Variants in ECHDC2 observed in about 807,000 individuals in gnomAD.
The protein encoded by ECHDC2 is enoyl-CoA hydratase domain containing 2.
Under a neutral mutation model 40.6 loss-of-function variants are expected in ECHDC2, and 34 were observed. The observed-to-expected ratio is 0.84, with a 90% CI of 0.64 to 1.11. The LOEUF (loss-of-function observed/expected upper bound fraction) is 1.11, where lower values mean the gene tolerates loss of function less well. ECHDC2 is among the 50% of genes most tolerant of loss of function. The probability of loss-of-function intolerance (pLI) is 0.00; values close to 1 mark genes in which losing one functional copy is unlikely to be tolerated. For synonymous variants in ECHDC2, 162 were observed against 166.6 expected (o/e 0.97, Z 0.21); for missense variants, 392 against 400.7 (o/e 0.98, Z 0.19).
chr1:52,915,655 A>C (rs1168387764), intron 1 of ECHDC2, among the ~76,000 whole-genome samples: 2 of 152,162 alleles, frequency 1.3e-5, no homozygotes, highest in Non-Finnish European at 2.9e-5. Flanking sequence ...CCTGACCCCC[A>C]CAAACTTCAG....
chr1:52,911,967 G>A, intron 1 of ECHDC2, 177 bp from the exon 2 acceptor site: 1 of 1,435,492 alleles, frequency 7.0e-7, no homozygotes, highest in Non-Finnish European at 9.1e-7. Context: ...CCATAAAATG[G>A]AGAGAAAAAC....
At chr1:52,905,164 G>T in intron 5 of ECHDC2, 74 bp from the exon 6 acceptor site, 1 of 1,530,860 alleles carries the variant, frequency 6.5e-7, no homozygotes, top group Non-Finnish European at 9.0e-7. Context: ...GGCCACAGCT[G>T]CCTCTGCTGT....
chr1:52,917,656 A>G (rs149542000), intron 1 of ECHDC2: 3 of 456,014 alleles, frequency 6.6e-6, no homozygotes, highest in African/African-American at 2.0e-5. Context: ...AGTCATGCAC[A>G]GCATGATGAT....
At chr1:52,904,599 T>TC in intron 7 of ECHDC2, 47 bp downstream of exon 7, 1 of 1,491,410 alleles carries the variant, frequency 6.7e-7, no homozygotes, top group Non-Finnish European at 9.0e-7. Context: ...CACACATGCC[T>TC]CCCCCATGAC....
At chr1:52,912,026 G>A in intron 1 of ECHDC2, 1 of 1,413,960 alleles carries the variant, frequency 7.1e-7, no homozygotes, top group Non-Finnish European at 9.2e-7. Flanking sequence ...TGTAAACTGT[G>A]AAGCAAAATG....
rs573144675 is a variant in ECHDC2 at position 52,897,721 on chromosome 1, A to C, written c.754-237T>G. ...GTTCTCCTTCCCATCCGGCTGCCTC[A>C]CCACGCTTCCTGTCACCCGTTAATT... On this transcript the variant is annotated intron_variant, in intron 8 of 9. Transcript: ENST00000371522. 133 of 591,936 alleles carry C rather than the reference A, an allele frequency of 2.2e-4. 1 individual carries two copies. The highest frequency in any genetic ancestry group is 9.1e-4 in the Admixed American group (33 of 36,184). 36.7% of individuals were successfully genotyped at this position (591,936 alleles called of 1,614,324 possible).
At position 52,911,583 on chromosome 1, in the gene ECHDC2, T is replaced by G. The variant is rs1261385951; in HGVS notation, c.260A>C (p.Lys87Thr). 6.2e-7 allele frequency: 1 copy of G among 1,613,856 alleles called. No homozygotes were observed. The highest frequency in any genetic ancestry group is 1.1e-5 in the South Asian group (1 of 91,060). ...VRVLLFRSGVKGVFCAGADLK... is the reference protein window; with the variant it reads ...VRVLLFRSGVTGVFCAGADLK... ...GAACCTACCTGCACAGAACACGCCC[T>G]TCACTCCACTTCTGAAGAGCAGGAC... is the stretch of plus-strand genomic sequence containing the variant. The change falls in exon 3 of 10, where the codon AAG becomes ACG. Residue 87 changes from lysine to threonine, a missense_variant. Coordinates refer to ENST00000371522, the MANE Select transcript of ECHDC2 (RefSeq NM_001198961.2).
chr1:52,919,093 T>C (rs1006616337), intron 1 of ECHDC2, among the ~76,000 whole-genome samples: 1 of 152,198 alleles, frequency 6.6e-6, no homozygotes, highest in African/African-American at 2.4e-5. Context: ...ATCTAATGCC[T>C]GATGATCTGA....
At chr1:52,899,291 A>G (rs1025207171) in intron 7 of ECHDC2, 67 bp from the exon 8 acceptor site, 4 of 1,508,966 alleles carry the variant, frequency 2.7e-6, no homozygotes, top group Non-Finnish European at 2.7e-6. Flanking sequence ...TCTGAGGTGC[A>G]CAGCTTTGTT....
At position 52,904,663 on chromosome 1, in the gene ECHDC2, G is replaced by T; in HGVS notation, c.685C>A (p.Gln229Lys). 1 of 1,603,418 alleles carries T rather than the reference G, an allele frequency of 6.2e-7. No homozygotes were observed. Residue 229 changes from glutamine to lysine, a missense_variant, in exon 7 of 10, where the codon CAG becomes AAG. By Grantham distance (53) the Gln-to-Lys change is moderately conservative. Transcript: ENST00000371522. ...CACCACACCTGGGGCAGGATCTCCT[G>T]GGCCAGTGCTCGTGCCCGCTGGTAG... Reference protein sequence around the residue: ...AAYQRARALAQEILPQAPIAV... With the variant: ...AAYQRARALAKEILPQAPIAV...
rs756950270 is a variant in ECHDC2, at chr1:52,911,579, G to C, written c.264C>G (p.Gly88=). 1 of 1,613,846 alleles carries C rather than the reference G, an allele frequency of 6.2e-7. No individual in the cohort carries two copies. Among genetic ancestry groups the C allele is most frequent in the Non-Finnish European group, 8.5e-7 (1 of 1,180,014 alleles). Residue 88 remains glycine, a synonymous_variant, in exon 3 of 10, where the codon GGC becomes GGG. Transcript: ENST00000371522. The part of the protein sequence containing the change: ...RVLLFRSGVK[G]VFCAGADLKE... ...GAGAGAACCTACCTGCACAGAACAC[G>C]CCCTTCACTCCACTTCTGAAGAGCA...
chr1:52,902,461 TTC>T (rs1647048614), intron 7 of ECHDC2, among the ~76,000 whole-genome samples: 1 of 152,140 alleles, frequency 6.6e-6, no homozygotes, highest in African/African-American at 2.4e-5. Context: ...CCGGCTTCTT[TTC>T]TGTTTTAATA....
Position 52,905,042 on chromosome 1 carries a change from G to A in ECHDC2, c.506C>T (p.Pro169Leu), listed in dbSNP as rs769376341. The A allele has an allele frequency of 5.6e-6, 9 of 1,614,176 alleles. No homozygotes were observed. The highest frequency in any genetic ancestry group is 1.3e-5 in the African/African-American group (1 of 75,044). ...GCTGTAGTTGCGATTACCTGCCCCC[G>A]GGAGGAGCCCTCGCGTGGTCTCAAT... is the stretch of plus-strand genomic sequence containing the variant. ...GLIETTRGLL[P>L]GAGGTQRLPR... The change falls in exon 6 of 10, where the codon CCG becomes CTG. Residue 169 changes from proline (P) to leucine (L), a missense_variant. Coordinates refer to ENST00000371522, the MANE Select transcript of ECHDC2 (RefSeq NM_001198961.2).
chr1:52,911,894 G>T, intron 1 of ECHDC2, 104 bp from the exon 2 acceptor site: 1 of 1,530,250 alleles, frequency 6.5e-7, no homozygotes, highest in Non-Finnish European at 8.8e-7. Context: ...GGGAGCCTCT[G>T]CCCTAGATGA....
chr1:52,905,155 G>T, intron 5 of ECHDC2, 65 bp from the exon 6 acceptor site: 1 of 1,558,230 alleles, frequency 6.4e-7, no homozygotes, highest in Non-Finnish European at 8.8e-7. Context: ...AATCCCGGGG[G>T]CCACAGCTGC....
At chr1:52,908,192 C>T (rs1038807263) in intron 3 of ECHDC2, among the ~76,000 whole-genome samples, 7 of 152,166 alleles carry the variant, frequency 4.6e-5, no homozygotes, top group African/African-American at 1.4e-4. Flanking sequence ...CATCAGAGGA[C>T]ACTATCAATA....
At chr1:52,901,925 G>A (rs184891689) in intron 7 of ECHDC2, 2 of 152,070 alleles carry the variant, frequency 1.3e-5, no homozygotes, top group Admixed American at 1.3e-4. Flanking sequence ...CCAGAGTTCT[G>A]TATTAGTTCG....
intron 8 of ECHDC2, chr1:52,898,077 G>C (rs1458202285): frequency 6.1e-6 from 1 of 164,318 alleles, no homozygotes; most frequent in Non-Finnish European, 1.3e-5. Context: ...TTTTCCTCTG[G>C]AATTTTTATC....
At chr1:52,904,076 A>G (rs1222763433) in intron 7 of ECHDC2, among the ~76,000 whole-genome samples, 1 of 152,132 alleles carries the variant, frequency 6.6e-6, no homozygotes, top group Non-Finnish European at 1.5e-5. Context: ...TCAGCCTCCC[A>G]AAGTGCTGGG....
Sources: allele counts gnomAD v4.1 joint callset (sites outside exome capture counted in the v4.1 genomes callset), GRCh38; gene constraint gnomAD v4.1.1; transcripts MANE v1.5; gene names NCBI Gene and HGNC (gene_info 2026-07-23, HGNC 2026-07-21).